Variants in PLEKHG5 observed in about 807,000 individuals in gnomAD.
PLEKHG5 encodes the protein pleckstrin homology domain-containing family G member 5.
A neutral mutation model predicts 103.8 loss-of-function variants in PLEKHG5; 52 were observed. The ratio of observed to expected loss-of-function variants is 0.50; its 90% CI spans 0.40 to 0.63. The LOEUF is 0.63. Among genes scored for constraint, PLEKHG5 ranks in the 30% least tolerant of loss-of-function variants. The pLI, the probability that PLEKHG5 is intolerant of heterozygous loss-of-function variation, is 0.00. For missense variants in PLEKHG5, 1,205 were observed against 1,347.6 expected, an observed-to-expected ratio of 0.89 and a Z score of 1.66; for synonymous variants, 592 against 575.5, an observed-to-expected ratio of 1.03 and a Z score of -0.41.
chr1:6,484,051 G>A (rs905182549), intron 1 of PLEKHG5, among the ~76,000 whole-genome samples: 3 of 152,228 alleles, frequency 2.0e-5, no homozygotes, highest in African/African-American at 7.2e-5. Flanking sequence ...AGCCGTGCTA[G>A]GTCGGAGGAG....
intron 1 of PLEKHG5, among the ~76,000 whole-genome samples, chr1:6,509,419 G>A (rs923313182): frequency 3.3e-5 from 5 of 152,236 alleles, no homozygotes; most frequent in East Asian, 3.9e-4. Flanking sequence ...CCTTGAGAGC[G>A]GAAGTGCCAA....
At chr1:6,497,678 G>A (rs1645249252), upstream of PLEKHG5, among the ~76,000 whole-genome samples, 1 of 152,104 alleles carries the variant, frequency 6.6e-6, no homozygotes, top group Non-Finnish European at 1.5e-5. The surrounding 1 kb of genome is among the most constrained non-coding windows in gnomAD (Gnocchi z 6.1). Flanking sequence ...CCTGTCCGCA[G>A]GAATGCAGGC....
At chr1:6,495,308 A>G (rs931908574), upstream of PLEKHG5, among the ~76,000 whole-genome samples, 6 of 152,186 alleles carry the variant, frequency 3.9e-5, no homozygotes, top group African/African-American at 1.4e-4. Flanking sequence ...TGACCACGGC[A>G]ACTGGAGGCC....
At chr1:6,496,536 C>G (rs1220307807), upstream of PLEKHG5, 12 of 1,598,118 alleles carry the variant, frequency 7.5e-6, no homozygotes, top group Non-Finnish European at 1.0e-5. Flanking sequence ...GTTCTGACAG[C>G]GCAGTCCCTT....
chr1:6,500,021 C>T (rs1388188431), upstream of PLEKHG5, among the ~76,000 whole-genome samples: 5 of 152,120 alleles, frequency 3.3e-5, no homozygotes, highest in Non-Finnish European at 4.4e-5. Flanking sequence ...AGGCTGGTCT[C>T]GAACTCCTGG....
chr1:6,510,166 G>C (rs1638435178), intron 1 of PLEKHG5, among the ~76,000 whole-genome samples: 1 of 152,234 alleles, frequency 6.6e-6, no homozygotes, highest in Non-Finnish European at 1.5e-5. Flanking sequence ...GCACAGGCCA[G>C]GCTGCAGAGC....
intron 16 of PLEKHG5, among the ~76,000 whole-genome samples, 158 bp downstream of exon 16, chr1:6,470,078 G>T (rs914705422): frequency 1.3e-5 from 2 of 152,220 alleles, no homozygotes; most frequent in African/African-American, 4.8e-5. Context: ...CCTACTGCTG[G>T]ATTTGTGAAT....
rs1246328057 is a variant in PLEKHG5, at chr1:6,475,281, C to CCCT, written c.211-146_211-144dup. 7 of 667,782 alleles carry CCCT rather than the reference C, an allele frequency of 1.0e-5. No homozygotes were observed. In the African/African-American group the frequency reaches 1.2e-4, roughly 11 times the overall value. The allele number at this position is 667,782 out of a possible 1,614,324, so 41.4% of individuals were successfully genotyped here. ...CCCTCCTTCCCAACCCTCCTCCCCA[C>CCCT]CCTCCCCACCCTCCGGTCTCGGATG... On this transcript the variant is annotated intron_variant, in intron 4 of 20. Transcript: ENST00000377728.
upstream of PLEKHG5, among the ~76,000 whole-genome samples, chr1:6,501,249 C>T (rs1295164502): frequency 6.6e-6 from 1 of 152,126 alleles, no homozygotes; most frequent in South Asian, 2.1e-4. The surrounding 1 kb of genome is among the most constrained non-coding windows in gnomAD (Gnocchi z 4.3). Context: ...CGCTACTTGC[C>T]GGACACAACT....
chr1:6,502,710 C>T (rs1236542982), intron 1 of PLEKHG5, among the ~76,000 whole-genome samples: 1 of 152,226 alleles, frequency 6.6e-6, no homozygotes, highest in Non-Finnish European at 1.5e-5. Flanking sequence ...AGTCACACTC[C>T]AAGCGCCAGT....
chr1:6,504,330 C>T (rs1442692841), intron 1 of PLEKHG5, among the ~76,000 whole-genome samples: 1 of 152,178 alleles, frequency 6.6e-6, no homozygotes, highest in Non-Finnish European at 1.5e-5. Flanking sequence ...CCACTGCCTC[C>T]ACCAGCTGGG....
upstream of PLEKHG5, among the ~76,000 whole-genome samples, chr1:6,500,164 C>G (rs1174044544): frequency 1.3e-5 from 2 of 152,176 alleles, no homozygotes; most frequent in African/African-American, 4.8e-5. Context: ...GGGAAGGAAA[C>G]ATGATTCCGA....
chr1:6,485,986 C>A (rs866867084), intron 1 of PLEKHG5: 2 of 795,542 alleles, frequency 2.5e-6, no homozygotes, highest in Non-Finnish European at 3.0e-6. Flanking sequence ...CACCCCCCCC[C>A]ACCTTGGAGA....
chr1:6,518,077 C>A (rs899498379), intron 1 of PLEKHG5, among the ~76,000 whole-genome samples: 2 of 151,842 alleles, frequency 1.3e-5, no homozygotes, highest in East Asian at 2.0e-4. Flanking sequence ...GGACTACAGG[C>A]GCCTGCCACC....
At chr1:6,471,856 C>T (rs540035015) in intron 10 of PLEKHG5, 48 bp from the exon 11 acceptor site, 1 of 1,545,626 alleles carries the variant, frequency 6.5e-7, no homozygotes, top group Non-Finnish European at 8.8e-7. Context: ...GCTGTCTCAG[C>T]CCTAGGGCCC....
intron 1 of PLEKHG5, chr1:6,519,355 T>C (rs981817432): frequency 2.0e-6 from 2 of 1,010,192 alleles, no homozygotes; most frequent in Middle Eastern, 2.0e-4. Flanking sequence ...GTGTGAGTCC[T>C]TGGAGCCCTC....
chr1:6,501,494 G>A (rs556051451), upstream of PLEKHG5, among the ~76,000 whole-genome samples: 15 of 152,258 alleles, frequency 9.9e-5, no homozygotes, highest in East Asian at 9.6e-4. The surrounding 1 kb of genome is among the most constrained non-coding windows in gnomAD (Gnocchi z 4.3). Flanking sequence ...CCCATCAGAC[G>A]GCTTCAGGAA....
In PLEKHG5 at chr1:6,504,822, G is replaced by A. The variant is rs570343846; in HGVS notation, c.-164-8253C>T. Among the ~76,000 whole-genome samples, 259 of 152,272 alleles carry A rather than the reference G, an allele frequency of 1.7e-3. 3 individuals carry two copies. Among genetic ancestry groups the A allele is most frequent in the African/African-American group, 6.0e-3 (250 of 41,550 alleles). ...CTGACCTCGTGATCCGCCTGCCTCG[G>A]CCTCCCAAAGTGCTGGGATTACAGG... On this transcript the variant is annotated intron_variant, in intron 1 of 21. Coordinates refer to the PLEKHG5 transcript ENST00000377740.
Position 6,470,532 on chromosome 1 carries a change from C to T in PLEKHG5, c.1654G>A (p.Glu552Lys). The T allele has an allele frequency of 6.2e-7, 1 of 1,609,020 alleles. No homozygotes were observed. The highest frequency in any genetic ancestry group is 8.5e-7 in the Non-Finnish European group (1 of 1,179,918). The change falls in exon 15 of 21, where the codon GAA becomes AAA. Residue 552 changes from glutamate (E) to lysine (K), a missense_variant. Glu to Lys is a moderately conservative substitution (Grantham distance 56). Transcript: ENST00000377728. ...VSRIDAYEVV[E>K]SSSDEVDKLL... The stretch of plus-strand genomic sequence containing the variant: ...TTGTCCACTTCGTCGCTGCTGCTTT[C>T]CACCACCTCGTAGGCGTCGATGCGG...
Sources: gnomAD v4.1 joint callset for allele counts (sites outside exome capture counted in the v4.1 genomes callset) on GRCh38, gnomAD v4.1.1 for gene constraint, Gnocchi (gnomAD v3.1) non-coding constraint, MANE v1.5 for transcripts, NCBI Gene and HGNC (gene_info 2026-07-23, HGNC 2026-07-21) for gene names.